Variants in RBFOX2 observed in about 807,000 individuals in gnomAD.
RBFOX2 encodes RNA binding protein fox-1 homolog 2.
In RBFOX2, 10 loss-of-function variants were observed where a neutral mutation model predicts 49.1. That is an observed-to-expected ratio of 0.20 (90% CI 0.13 to 0.35). The LOEUF is 0.35. Among genes scored for constraint, RBFOX2 ranks in the 10% least tolerant of loss-of-function variants. RBFOX2 has a pLI of 1.00. For missense variants in RBFOX2, 323 were observed against 486.9 expected (o/e 0.66, Z 3.17); for synonymous variants, 183 against 187.4 (o/e 0.98, Z 0.19).
rs1394076250 is a variant in RBFOX2 at position 35,969,201 on chromosome 22, T to C, written c.187-30304A>G. 5.9e-5 allele frequency among the ~76,000 whole-genome samples: 9 copies of C among 152,256 alleles called. No individual in the cohort carries two copies. The East Asian group carries it at 1.7e-3, about 29-fold the overall frequency. ...GATCAGAACTTCTGCCTTTCTGCCA[T>C]TTCAAAAGTAGCTTTTGTACAACTG... On this transcript the variant is annotated intron_variant, in intron 1 of 13. Coordinates refer to the RBFOX2 transcript ENST00000438146.
At position 35,765,452 on chromosome 22, in the gene RBFOX2, T is replaced by C. The variant is rs771693998; in HGVS notation, c.578A>G (p.Asn193Ser). Residue 193 changes from asparagine to serine, a missense_variant, in exon 6 of 12, where the codon AAT becomes AGT. By Grantham distance (46) the Asn-to-Ser change is conservative. Coordinates refer to ENST00000405409, the Ensembl canonical transcript of RBFOX2. ...TGCATATGGTGTGACCATCTTCTTATTGGTCATTACACGTGCTGTAGCATT... is the reference window on the plus strand; with the variant it reads ...TGCATATGGTGTGACCATCTTCTTACTGGTCATTACACGTGCTGTAGCATT... 6.6e-6 allele frequency: 10 copies of C among 1,523,748 alleles called. No individual in the cohort carries two copies. The highest frequency in any genetic ancestry group is 3.5e-5 in the Admixed American group (2 of 57,796). The allele number at this position is 1,523,748 out of a possible 1,614,324, so 94.4% of individuals were successfully genotyped here.
At chr22:35,946,754 T>C (rs2054317347) in intron 1 of RBFOX2, among the ~76,000 whole-genome samples, 1 of 152,218 alleles carries the variant, frequency 6.6e-6, no homozygotes, top group Non-Finnish European at 1.5e-5. Context: ...TTATAAACTG[T>C]TTCTAGTATT....
intron 1 of RBFOX2, among the ~76,000 whole-genome samples, chr22:35,827,552 A>G (rs1023261830): frequency 3.3e-5 from 5 of 152,222 alleles, no homozygotes; most frequent in African/African-American, 1.2e-4. Context: ...AATGTCTTGT[A>G]TAACGCATAT....
chr22:35,800,895 T>C (rs1250282811), intron 2 of RBFOX2, among the ~76,000 whole-genome samples: 2 of 152,324 alleles, frequency 1.3e-5, no homozygotes, highest in Admixed American at 6.5e-5. Flanking sequence ...TGAGCCTAAA[T>C]GAAGGACACA....
chr22:35,986,247 A>C (rs2057720596), intron 1 of RBFOX2, among the ~76,000 whole-genome samples: 1 of 152,178 alleles, frequency 6.6e-6, no homozygotes, highest in Non-Finnish European at 1.5e-5. Flanking sequence ...AATTATGCTG[A>C]AGACTGGCAA....
At chr22:35,832,881 G>C (rs981943062) in intron 1 of RBFOX2, among the ~76,000 whole-genome samples, 1 of 152,096 alleles carries the variant, frequency 6.6e-6, no homozygotes, top group Admixed American at 6.6e-5. Flanking sequence ...ATATTCAACA[G>C]CACAGTGACT....
chr22:36,012,099 A>G (rs1183751525), intron 1 of RBFOX2, among the ~76,000 whole-genome samples: 2 of 152,222 alleles, frequency 1.3e-5, no homozygotes, highest in South Asian at 2.1e-4. Flanking sequence ...GCCAAAAAAC[A>G]ACGACAAACT....
At chr22:35,812,122 A>T (rs1951993081) in intron 1 of RBFOX2, among the ~76,000 whole-genome samples, 1 of 152,016 alleles carries the variant, frequency 6.6e-6, no homozygotes, top group African/African-American at 2.4e-5. Context: ...TTAGCCAAGC[A>T]TGGTGCCAAA....
rs997511978 is a variant in RBFOX2 at position 35,759,725 on chromosome 22, T to C, written c.887+163A>G. Among the ~76,000 whole-genome samples, 2 of 152,150 alleles carry C rather than the reference T, an allele frequency of 1.3e-5. No individual in the cohort carries two copies. The highest frequency in any genetic ancestry group is 2.4e-5 in the African/African-American group (1 of 41,418). The stretch of plus-strand genomic sequence containing the variant: ...ACAGTTTGTCACATTCTGATGATGG[T>C]ATATTTTGTTTTTTGTCATCTAATC... On this transcript the variant is annotated intron_variant, in intron 9 of 11. Transcript: ENST00000405409. The surrounding 1 kb of genome is among the most constrained non-coding windows in gnomAD (Gnocchi z 4.6).
chr22:35,865,170 C>T (rs1603425526), intron 1 of RBFOX2, among the ~76,000 whole-genome samples: 2 of 151,784 alleles, frequency 1.3e-5, no homozygotes, highest in East Asian at 3.8e-4. Flanking sequence ...TATCTCGGCC[C>T]TTGGAAAAAA....
upstream of RBFOX2, chr22:35,939,321 T>G (rs1179483987): frequency 2.3e-6 from 1 of 442,786 alleles, no homozygotes; most frequent in African/African-American, 2.0e-5. Flanking sequence ...AAATGTCCCC[T>G]GGATGGAAAG....
intron 1 of RBFOX2, among the ~76,000 whole-genome samples, chr22:35,992,151 C>A (rs759822510): frequency 6.6e-6 from 1 of 152,120 alleles, no homozygotes; most frequent in South Asian, 2.1e-4. Context: ...GCCACACCAG[C>A]GGATGTTGCC....
intron 1 of RBFOX2, among the ~76,000 whole-genome samples, chr22:35,827,381 A>AATCACACAC (rs1309958230): frequency 6.6e-6 from 1 of 152,190 alleles, no homozygotes; most frequent in Non-Finnish European, 1.5e-5. Flanking sequence ...AATCACACCA[A>AATCACACAC]ACTATAAAAA....
intron 4 of RBFOX2, among the ~76,000 whole-genome samples, chr22:35,773,952 T>G (rs1943299557): frequency 6.6e-6 from 1 of 152,118 alleles, no homozygotes; most frequent in South Asian, 2.1e-4. Flanking sequence ...GGGGCTGAAC[T>G]AGGTGACCAT....
intron 2 of RBFOX2, among the ~76,000 whole-genome samples, chr22:35,807,144 G>C (rs1254996136): frequency 6.6e-6 from 1 of 151,984 alleles, no homozygotes; most frequent in East Asian, 1.9e-4. Context: ...ATATACTTCA[G>C]ATACAAAGCA....
chr22:35,897,894 C>A, intron 1 of RBFOX2: 1 of 728,154 alleles, frequency 1.4e-6, no homozygotes, highest in South Asian at 1.4e-5. Context: ...TATTCACATT[C>A]AGATGTGCAA....
At chr22:35,940,509 T>A (rs2053581991), upstream of RBFOX2, among the ~76,000 whole-genome samples, 1 of 152,174 alleles carries the variant, frequency 6.6e-6, no homozygotes, top group South Asian at 2.1e-4. Flanking sequence ...TGTAAAATGG[T>A]ATAGCTGCTC....
At chr22:35,755,923 G>A (rs1409573370) in intron 9 of RBFOX2, among the ~76,000 whole-genome samples, 182 bp downstream of exon 11, 2 of 151,110 alleles carry the variant, frequency 1.3e-5, no homozygotes, top group Admixed American at 6.6e-5. Flanking sequence ...AAGCGCAGTG[G>A]CAGAGAAGCA....
At chr22:35,831,388 G>A (rs957080221) in intron 1 of RBFOX2, among the ~76,000 whole-genome samples, 4 of 151,896 alleles carry the variant, frequency 2.6e-5, no homozygotes, top group African/African-American at 4.8e-5. Context: ...ATCCGAGATC[G>A]CACCACTGCA....
Sources: gnomAD v4.1 joint callset for allele counts (sites outside exome capture counted in the v4.1 genomes callset) on GRCh38, gnomAD v4.1.1 for gene constraint, Gnocchi (gnomAD v3.1) non-coding constraint, MANE v1.5 for transcripts, NCBI Gene and HGNC (gene_info 2026-07-23, HGNC 2026-07-21) for gene names.